The following ASB4 variants were observed in gnomAD, a reference collection of about 807,000 sequenced individuals.
ASB4 encodes the protein ankyrin repeat and SOCS box containing 4.
In ASB4, 35 loss-of-function variants were observed where a neutral mutation model predicts 38.6. The observed-to-expected ratio is 0.91, with a 90% CI of 0.69 to 1.20. The LOEUF is 1.20. ASB4 is among the 50% of genes most tolerant of loss of function. The pLI is 0.00. For synonymous variants in ASB4, 195 were observed against 201.3 expected (o/e 0.97, Z 0.26); for missense variants, 557 against 527.2 (o/e 1.06, Z -0.55).
chr7:95,515,181 C>G (rs940613057), intron 2 of ASB4, among the ~76,000 whole-genome samples: 2 of 110,866 alleles, frequency 1.8e-5, no homozygotes, highest in Non-Finnish European at 3.7e-5. Context: ...TTCTTTCTTT[C>G]TTTCTTTCTT....
chr7:95,478,044 T>C (rs529566209), upstream of ASB4, among the ~76,000 whole-genome samples: 5 of 152,298 alleles, frequency 3.3e-5, no homozygotes, highest in East Asian at 7.7e-4. Context: ...AAACAACTTA[T>C]TGGCTTCTGA....
chr7:95,533,983 T>C (rs1298302854), intron 3 of ASB4, among the ~76,000 whole-genome samples: 1 of 152,200 alleles, frequency 6.6e-6, no homozygotes, highest in Non-Finnish European at 1.5e-5. Context: ...TGCCAGCACA[T>C]ACTTTGATGA....
intron 2 of ASB4, among the ~76,000 whole-genome samples, chr7:95,526,948 C>A (rs1390700524): frequency 6.6e-6 from 1 of 152,154 alleles, no homozygotes; most frequent in African/African-American, 2.4e-5. Context: ...AAACAAAATT[C>A]ACTTAAGTTT....
chr7:95,508,787 A>T (rs1230759301), intron 2 of ASB4, among the ~76,000 whole-genome samples: 1 of 152,212 alleles, frequency 6.6e-6, no homozygotes, highest in African/African-American at 2.4e-5. Context: ...TAAGCTGGAT[A>T]GAGAAGGAGA....
chr7:95,536,412 A>C, intron 3 of ASB4, 25 bp from the exon 4 acceptor site: 10 of 1,456,318 alleles, frequency 6.9e-6, no homozygotes, highest in Non-Finnish European at 9.6e-6. Context: ...CATCAAACAG[A>C]TGAAACTCTG....
rs1473539436 is a variant in ASB4 at position 95,527,845 on chromosome 7, G to C, written c.520G>C (p.Asp174His). Residue 174 changes from aspartate to histidine, a missense_variant, in exon 3 of 5, where the codon GAT becomes CAT. By Grantham distance (81) the Asp-to-His change is moderately conservative (BLOSUM62 -1). Coordinates refer to ENST00000325885, the MANE Select transcript of ASB4 (RefSeq NM_016116.3). ...TGTGAACATGAAGACCAACAACCAA[G>C]ATGAGGAGACGCCCTTGCACACGGC... ...ANVNMKTNNQ[D>H]EETPLHTAAH... 1 of 1,607,600 alleles carries C rather than the reference G, an allele frequency of 6.2e-7. No individual in the cohort carries two copies. Among genetic ancestry groups the C allele is most frequent in the East Asian group, 2.2e-5 (1 of 44,640 alleles).
chr7:95,483,264 T>C (rs1790039234), upstream of ASB4, among the ~76,000 whole-genome samples: 1 of 152,220 alleles, frequency 6.6e-6, no homozygotes, highest in East Asian at 1.9e-4. Flanking sequence ...CTGACTGCTA[T>C]TCACTTGATA....
At chr7:95,504,183 A>G (rs1308245646) in intron 2 of ASB4, among the ~76,000 whole-genome samples, 2 of 152,210 alleles carry the variant, frequency 1.3e-5, no homozygotes, top group Non-Finnish European at 2.9e-5. Context: ...TGCCCGCTTT[A>G]CTCTGCATGA....
At chr7:95,514,700 G>A (rs150000377) in intron 2 of ASB4, among the ~76,000 whole-genome samples, 3 of 152,276 alleles carry the variant, frequency 2.0e-5, no homozygotes, top group South Asian at 2.1e-4. Context: ...ACAAAGAAGC[G>A]CAACCTGGAG....
intron 2 of ASB4, among the ~76,000 whole-genome samples, chr7:95,523,498 G>A (rs964471726): frequency 7.9e-5 from 12 of 151,996 alleles, no homozygotes; most frequent in South Asian, 2.1e-4. Flanking sequence ...AAATGAATTC[G>A]GATTTTAAAA....
At chr7:95,502,399 G>T (rs903006181) in intron 2 of ASB4, among the ~76,000 whole-genome samples, 1 of 150,036 alleles carries the variant, frequency 6.7e-6, no homozygotes, top group African/African-American at 2.4e-5. Flanking sequence ...TGCGGGGGGG[G>T]GGCAAATTGA....
chr7:95,519,337 G>A (rs1465863497), intron 2 of ASB4, among the ~76,000 whole-genome samples: 1 of 152,126 alleles, frequency 6.6e-6, no homozygotes, highest in Non-Finnish European at 1.5e-5. Context: ...AGAATAAAAG[G>A]GATCTAACCT....
chr7:95,472,296 C>T, the ASB4 span, among the ~76,000 whole-genome samples: 1 of 152,160 alleles, frequency 6.6e-6, no homozygotes. Flanking sequence ...TAGCACAGGA[C>T]CCTGTGTTCA....
chr7:95,536,653 T>C (rs1790894279), intron 4 of ASB4, 103 bp downstream of exon 4: 1 of 671,070 alleles, frequency 1.5e-6, no homozygotes, highest in Non-Finnish European at 2.5e-6. Context: ...TGAGAATGCC[T>C]TTAAAGCGTA....
chr7:95,531,413 T>C (rs925830962), intron 3 of ASB4, among the ~76,000 whole-genome samples: 2 of 152,236 alleles, frequency 1.3e-5, no homozygotes, highest in Non-Finnish European at 2.9e-5. Context: ...GCGAAAAGGA[T>C]GGACAGGGAC....
intron 2 of ASB4, among the ~76,000 whole-genome samples, chr7:95,510,517 C>T (rs892972344): frequency 6.6e-6 from 1 of 152,178 alleles, no homozygotes; most frequent in African/African-American, 2.4e-5. Flanking sequence ...AATAACTAGG[C>T]GTATGTTAAA....
At chr7:95,491,409 G>A (rs980948235) in intron 1 of ASB4, among the ~76,000 whole-genome samples, 17 of 152,170 alleles carry the variant, frequency 1.1e-4, no homozygotes, top group Non-Finnish European at 2.9e-5. Flanking sequence ...CATGGGCTTG[G>A]TTCCCCGGTT....
At chr7:95,545,963 T>C in the ASB4 span, among the ~76,000 whole-genome samples, 1 of 152,152 alleles carries the variant, frequency 6.6e-6, no homozygotes, top group Non-Finnish European at 1.5e-5. Context: ...TTCTGGAAAA[T>C]CATAAAAGAA....
chr7:95,486,652 G>A (rs897720446), intron 1 of ASB4, among the ~76,000 whole-genome samples: 1 of 152,196 alleles, frequency 6.6e-6, no homozygotes, highest in African/African-American at 2.4e-5. Flanking sequence ...GGATAAAGCG[G>A]TGCCACAGGC....
Sources: gnomAD v4.1 joint callset for allele counts (sites outside exome capture counted in the v4.1 genomes callset) on GRCh38, gnomAD v4.1.1 for gene constraint, MANE v1.5 for transcripts, NCBI Gene and HGNC (gene_info 2026-07-23, HGNC 2026-07-21) for gene names.